Variants in DIP2C observed in about 807,000 individuals in gnomAD.
The protein encoded by DIP2C is disco-interacting protein 2 homolog C.
DIP2C carries 33 observed loss-of-function variants against 192.4 expected under a neutral mutation model. The observed-to-expected ratio is 0.17, with a 90% CI of 0.13 to 0.23. DIP2C has a LOEUF of 0.23. DIP2C is among the 10% of genes least tolerant of loss of function. The pLI, the probability that DIP2C is intolerant of heterozygous loss-of-function variation, is 1.00. For synonymous variants in DIP2C, 979 were observed against 864.1 expected (o/e 1.13, Z -2.33); for missense variants, 1,537 against 2,110.1 (o/e 0.73, Z 5.32).
chr10:389,779 G>A (rs978361806), intron 13 of DIP2C, among the ~76,000 whole-genome samples: 1 of 152,248 alleles, frequency 6.6e-6, no homozygotes, highest in Non-Finnish European at 1.5e-5. Flanking sequence ...CGCGCTGTGC[G>A]GACATAAATG....
chr10:664,805 T>A (rs893016341), intron 1 of DIP2C: 2 of 152,190 alleles, frequency 1.3e-5, no homozygotes, highest in African/African-American at 2.4e-5. Flanking sequence ...AGGGAATTTT[T>A]AAATAAATAT....
intron 10 of DIP2C, among the ~76,000 whole-genome samples, chr10:395,299 G>A (rs539664550): frequency 1.7e-4 from 26 of 152,048 alleles, no homozygotes; most frequent in Non-Finnish European, 3.1e-4. Flanking sequence ...TATTCCAAAT[G>A]TCTTACCATA....
intron 3 of DIP2C, among the ~76,000 whole-genome samples, chr10:446,115 C>A (rs1968178693): frequency 6.6e-6 from 1 of 150,474 alleles, no homozygotes; most frequent in African/African-American, 2.5e-5. Context: ...GTCCACTGGG[C>A]AACTGTATAC....
chr10:522,594 T>C (rs761939913), intron 1 of DIP2C, among the ~76,000 whole-genome samples: 1 of 152,266 alleles, frequency 6.6e-6, no homozygotes, highest in Admixed American at 6.5e-5. Context: ...GCCAGGCTGC[T>C]GGGTGCGCAG....
At chr10:596,977 G>A (rs796905989) in intron 1 of DIP2C, among the ~76,000 whole-genome samples, 5 of 152,248 alleles carry the variant, frequency 3.3e-5, no homozygotes, top group Admixed American at 6.5e-5. Flanking sequence ...AGTGGGCCCC[G>A]GGGTGCCCAG....
At chr10:526,594 T>C (rs1327237702) in intron 1 of DIP2C, among the ~76,000 whole-genome samples, 1 of 152,064 alleles carries the variant, frequency 6.6e-6, no homozygotes, top group Non-Finnish European at 1.5e-5. Flanking sequence ...TTTACATTAC[T>C]AGAGACGACC....
At chr10:554,663 C>T (rs762686613) in intron 1 of DIP2C, among the ~76,000 whole-genome samples, 6 of 152,204 alleles carry the variant, frequency 3.9e-5, no homozygotes, top group African/African-American at 7.2e-5. Context: ...GCAAGGCTGC[C>T]GTGGAGTCCT....
chr10:589,784 A>G lies in DIP2C; in HGVS notation c.85+99710T>C, dbSNP rs1851296867. ...AGAGTAGAGGCACTGCCCTATGCAG[A>G]GGTGAGGCCTCAAAGGCTCCCAGGT... is the stretch of plus-strand genomic sequence containing the variant. On this transcript the variant is annotated intron_variant, in intron 1 of 36. Coordinates refer to ENST00000280886, the MANE Select transcript of DIP2C (RefSeq NM_014974.3). 2.6e-5 allele frequency among the ~76,000 whole-genome samples: 4 copies of G among 152,326 alleles called. No individual in the cohort carries two copies. In the South Asian group the frequency reaches 8.3e-4, roughly 32 times the overall value.
At chr10:362,277 C>T (rs565369988) in intron 22 of DIP2C, among the ~76,000 whole-genome samples, 1 of 152,270 alleles carries the variant, frequency 6.6e-6, no homozygotes, top group African/African-American at 2.4e-5. Flanking sequence ...CACTAACACC[C>T]CTGAGCCTAC....
At chr10:685,002 C>A (rs1432087245) in intron 1 of DIP2C, among the ~76,000 whole-genome samples, 3 of 151,250 alleles carry the variant, frequency 2.0e-5, no homozygotes, top group Non-Finnish European at 4.4e-5. Flanking sequence ...GGTGTGGTGG[C>A]GGGCACCTGT....
rs1171013860 is a variant in DIP2C at position 421,624 on chromosome 10, G to A, written c.604+1200C>T. ...AACCAGTGTACATGTTCCTGAAACT[G>A]TGTTAAACTGAAGTTTAATACTGCT... On this transcript the variant is annotated intron_variant, in intron 5 of 36. Coordinates refer to ENST00000280886, the MANE Select transcript of DIP2C (RefSeq NM_014974.3). Among the ~76,000 whole-genome samples, 7 of 152,250 alleles carry A rather than the reference G, an allele frequency of 4.6e-5. No homozygotes were observed. The East Asian group carries it at 1.2e-3, about 25-fold the overall frequency.
chr10:367,631 G>C (rs1960433530), intron 18 of DIP2C, among the ~76,000 whole-genome samples: 1 of 152,116 alleles, frequency 6.6e-6, no homozygotes, highest in Non-Finnish European at 1.5e-5. Flanking sequence ...CCCACTTCTA[G>C]AACTGTTTCC....
rs183215889 is a variant in DIP2C at position 498,579 on chromosome 10, C to G, written c.86-12049G>C. Among the ~76,000 whole-genome samples, 31 of 152,334 alleles carry G rather than the reference C, an allele frequency of 2.0e-4. No homozygotes were observed. The East Asian group carries it at 6.0e-3, about 29-fold the overall frequency. On this transcript the variant is annotated intron_variant, in intron 1 of 36. Transcript: ENST00000280886. ...TCTTAGGGGGCTCGTCAGAGATGCA[C>G]CTCTGTCAAGGGATGACTGACTTCC...
chr10:606,120 A>G (rs1424846048), intron 1 of DIP2C, among the ~76,000 whole-genome samples: 1 of 152,076 alleles, frequency 6.6e-6, no homozygotes, highest in Non-Finnish European at 1.5e-5. Flanking sequence ...AAACCCACGA[A>G]CCCGTTTCTC....
intron 1 of DIP2C, among the ~76,000 whole-genome samples, chr10:537,126 A>C (rs1021486965): frequency 1.3e-5 from 2 of 152,242 alleles, no homozygotes; most frequent in African/African-American, 4.8e-5. Context: ...GGAAGAAGTG[A>C]GGGTGGAGTG....
At chr10:347,743 C>T (rs1165275519) in intron 26 of DIP2C, among the ~76,000 whole-genome samples, 2 of 130,154 alleles carry the variant, frequency 1.5e-5, no homozygotes, top group Non-Finnish European at 3.2e-5. Context: ...ATAGTTCTCC[C>T]GGAAACCCTA....
intron 1 of DIP2C, among the ~76,000 whole-genome samples, chr10:575,100 C>T (rs1588494091): frequency 6.6e-6 from 1 of 152,130 alleles, no homozygotes; most frequent in African/African-American, 2.4e-5. Context: ...GAACTAAAGG[C>T]TCACTACAGC....
chr10:372,699 C>CGGG (rs1564628752), intron 17 of DIP2C, among the ~76,000 whole-genome samples: 8 of 149,088 alleles, frequency 5.4e-5, no homozygotes, highest in African/African-American at 2.1e-4. Flanking sequence ...CGACACACAG[C>CGGG]CAGGCACAGA....
chr10:445,068 AGCACCT>A (rs1968050517), intron 3 of DIP2C, among the ~76,000 whole-genome samples: 1 of 152,246 alleles, frequency 6.6e-6, no homozygotes, highest in African/African-American at 2.4e-5. Flanking sequence ...TATCTTCACT[AGCACCT>A]GCTACCATCC....
Sources: allele counts gnomAD v4.1 joint callset (sites outside exome capture counted in the v4.1 genomes callset), GRCh38; gene constraint gnomAD v4.1.1; transcripts MANE v1.5; gene names NCBI Gene and HGNC (gene_info 2026-07-23, HGNC 2026-07-21).